The following SLC3A2 variants were observed in gnomAD, a reference collection of about 807,000 sequenced individuals.
The protein encoded by SLC3A2 is solute carrier family 3 member 2, also known as amino acid transporter heavy chain SLC3A2.
SLC3A2 carries 32 observed loss-of-function variants against 48.5 expected under a neutral mutation model. That is an observed-to-expected ratio of 0.66 (90% CI 0.50 to 0.89). The LOEUF (loss-of-function observed/expected upper bound fraction) is 0.89. Ranked by LOEUF, SLC3A2 falls within the 40% of genes least tolerant of loss-of-function variation. The pLI, the probability that SLC3A2 is intolerant of heterozygous loss-of-function variation, is 0.00. For missense variants in SLC3A2, 587 were observed against 680.7 expected (o/e 0.86, Z 1.53); for synonymous variants, 277 against 288.8 (o/e 0.96, Z 0.41).
intron 1 of SLC3A2, chr11:62,856,504 A>G (rs1320345733): frequency 1.3e-6 from 1 of 790,500 alleles, no homozygotes; most frequent in South Asian, 1.8e-5. Flanking sequence ...CTGGTTCCCT[A>G]TGTCCTGCCT....
In SLC3A2 at chr11:62,881,782, C is replaced by T; in HGVS notation, c.425-111C>T. The stretch of plus-strand genomic sequence containing the variant: ...TCGTGATTCAGCCTTGCCTCCCTCT[C>T]TCCCCCTTTGCCCCCTCCCCGTCCC... On this transcript the variant is annotated intron_variant, in intron 1 of 8. Coordinates refer to ENST00000338663, the MANE Select transcript of SLC3A2 (RefSeq NM_001013251.3). This position sits in a 1 kb window ranked among gnomAD's most constrained non-coding sequence, Gnocchi z 4.0. The T allele has an allele frequency of 6.4e-6, 8 of 1,247,986 alleles. No individual in the cohort carries two copies. Among genetic ancestry groups the T allele is most frequent in the Non-Finnish European group, 7.9e-6 (7 of 889,894 alleles). 77.3% of individuals were successfully genotyped at this position (1,247,986 alleles called of 1,614,324 possible). A position where few individuals can be genotyped will look rare whatever the true frequency, so the allele number is the denominator to read the frequency against.
At chr11:62,883,774 G>C in intron 3 of SLC3A2, 1 of 308,298 alleles carries the variant, frequency 3.2e-6, no homozygotes, top group Non-Finnish European at 6.5e-6. Flanking sequence ...ACCCTCAGAT[G>C]GAAATGGAGA....
chr11:62,884,206 G>A (rs1331062704), intron 3 of SLC3A2: 3 of 589,246 alleles, frequency 5.1e-6, no homozygotes, highest in Non-Finnish European at 9.1e-6. Flanking sequence ...CAAAGTTGAA[G>A]CTGTGTGATT....
At chr11:62,856,422 G>C (rs771410147) in intron 1 of SLC3A2, 1 of 1,538,230 alleles carries the variant, frequency 6.5e-7, no homozygotes, top group Admixed American at 1.8e-5. Flanking sequence ...GGTCCCCTTT[G>C]GTGGGGCCAT....
intron 1 of SLC3A2, among the ~76,000 whole-genome samples, chr11:62,859,796 T>A (rs1200911139): frequency 8.5e-5 from 13 of 152,184 alleles, no homozygotes; most frequent in African/African-American, 2.4e-4. Flanking sequence ...GAGGGCATTT[T>A]AAAAAAAGTA....
chr11:62,884,070 G>A (rs187831298), intron 3 of SLC3A2: 129 of 463,900 alleles, frequency 2.8e-4, no homozygotes, highest in Non-Finnish European at 4.9e-4. Context: ...CTGTGGACGC[G>A]TCTCCCTGCT....
At chr11:62,882,369 G>C (rs1245960344) in intron 2 of SLC3A2, 14 of 345,614 alleles carry the variant, frequency 4.1e-5, no homozygotes, top group Non-Finnish European at 7.0e-5. Context: ...TTTTGGGGGG[G>C]GGGAATCCCA....
chr11:62,871,900 CTTTAT>C (rs1285786564), intron 1 of SLC3A2, among the ~76,000 whole-genome samples: 1 of 151,528 alleles, frequency 6.6e-6, no homozygotes, highest in African/African-American at 2.4e-5. Flanking sequence ...GACATCAAAT[CTTTAT>C]TTTATTATTA....
chr11:62,861,752 C>T (rs913087793), intron 1 of SLC3A2, among the ~76,000 whole-genome samples: 1 of 151,914 alleles, frequency 6.6e-6, no homozygotes, highest in Non-Finnish European at 1.5e-5. Flanking sequence ...CCCATCTCTA[C>T]TAAAAATACA....
chr11:62,885,722 T>TA, intron 7 of SLC3A2, 114 bp downstream of exon 7: 1 of 1,185,720 alleles, frequency 8.4e-7, no homozygotes, highest in African/African-American at 1.5e-5. Context: ...GTTTGATTCT[T>TA]AGTCAGTAGC....
At chr11:62,862,557 A>G (rs972004042) in intron 1 of SLC3A2, among the ~76,000 whole-genome samples, 2 of 151,672 alleles carry the variant, frequency 1.3e-5, no homozygotes, top group East Asian at 3.9e-4. Context: ...CTTCTCACCC[A>G]CAGTCAACTC....
At chr11:62,866,490 G>A (rs1404481099) in intron 1 of SLC3A2, among the ~76,000 whole-genome samples, 1 of 151,650 alleles carries the variant, frequency 6.6e-6, no homozygotes, top group Non-Finnish European at 1.5e-5. Context: ...CTATCTCCTG[G>A]GTCCAAGCTA....
At chr11:62,880,863 G>T, upstream of SLC3A2, 10 of 1,401,352 alleles carry the variant, frequency 7.1e-6, no homozygotes, top group Middle Eastern at 2.5e-4. Context: ...GGGCTCCGCT[G>T]CCCCTTCCCA....
At chr11:62,859,930 G>A (rs1324527223) in intron 1 of SLC3A2, among the ~76,000 whole-genome samples, 1 of 152,168 alleles carries the variant, frequency 6.6e-6, no homozygotes, top group Non-Finnish European at 1.5e-5. Flanking sequence ...ACAAAGTATA[G>A]AGGAAGAAAA....
At chr11:62,887,686 C>T (rs899559435) in intron 7 of SLC3A2, among the ~76,000 whole-genome samples, 5 of 133,912 alleles carry the variant, frequency 3.7e-5, no homozygotes, top group East Asian at 2.2e-4. Flanking sequence ...CTGAACAGAG[C>T]GAGACTCCGT....
chr11:62,876,414 T>C (rs982232439), upstream of SLC3A2, among the ~76,000 whole-genome samples: 6 of 152,264 alleles, frequency 3.9e-5, no homozygotes, highest in East Asian at 1.9e-4. Context: ...CCCAGCCTTC[T>C]CTTGAAGGCT....
At chr11:62,857,406 G>C (rs1175773998) in intron 1 of SLC3A2, among the ~76,000 whole-genome samples, 1 of 152,166 alleles carries the variant, frequency 6.6e-6, no homozygotes, top group African/African-American at 2.4e-5. Flanking sequence ...TTACAGGGGT[G>C]GGCCACCACA....
Position 62,882,005 on chromosome 11 carries a change from C to A in SLC3A2, c.537C>A (p.Ile179=), listed in dbSNP as rs533509167. The A allele has an allele frequency of 3.1e-6, 5 of 1,614,168 alleles. No individual in the cohort carries two copies. The highest frequency in any genetic ancestry group is 1.6e-4 in the Middle Eastern group (1 of 6,062). The change falls in exon 2 of 9, where the codon ATC becomes ATA. Residue 179 remains isoleucine, a synonymous_variant. Coordinates refer to ENST00000338663, the MANE Select transcript of SLC3A2 (RefSeq NM_001013251.3). ...TCGCTCAGACTGACTTGCTGCAGATCGACCCCAATTTTGGCTCCAAGGAAG... is the reference window on the plus strand; with the variant it reads ...TCGCTCAGACTGACTTGCTGCAGATAGACCCCAATTTTGGCTCCAAGGAAG... The part of the protein sequence containing the change: ...DDVAQTDLLQ[I]DPNFGSKEDF...
rs114958414 is a variant in SLC3A2, at chr11:62,856,275, G to A, written c.6G>A (p.Glu2=). The A allele has an allele frequency of 6.8e-5, 110 of 1,611,026 alleles. No homozygotes were observed. The African/African-American group carries it at 1.4e-3, about 20-fold the overall frequency. Residue 2 remains glutamate, a synonymous_variant, in exon 1 of 10, where the codon GAG becomes GAA. Coordinates refer to the SLC3A2 transcript ENST00000377889. ...TGTGTGCAGGATCCGCCTCCATGGA[G>A]CTACAGCCTCCTGAAGCCTCGATCG...
Sources: allele counts gnomAD v4.1 joint callset (sites outside exome capture counted in the v4.1 genomes callset), GRCh38; gene constraint gnomAD v4.1.1; non-coding constraint Gnocchi (gnomAD v3.1); transcripts MANE v1.5; gene names NCBI Gene and HGNC (gene_info 2026-07-23, HGNC 2026-07-21).